LRRC4C: variants seen among roughly 807,000 people sequenced by gnomAD.
LRRC4C encodes leucine rich repeat containing 4C.
Under a neutral mutation model 33.6 loss-of-function variants are expected in LRRC4C, and 5 were observed. The observed-to-expected ratio is 0.15, with a 90% CI of 0.08 to 0.31. LRRC4C has a LOEUF of 0.31. Ranked by LOEUF, LRRC4C falls within the 10% of genes least tolerant of loss-of-function variation. The pLI is 1.00. For missense variants in LRRC4C, 560 were observed against 796.7 expected (o/e 0.70, Z 3.58); for synonymous variants, 329 against 302.0 (o/e 1.09, Z -0.93).
chr11:40,725,405 G>A (rs1947240652), intron 2 of LRRC4C, among the ~76,000 whole-genome samples: 1 of 152,064 alleles, frequency 6.6e-6, no homozygotes. Context: ...CTACTAGGGA[G>A]GCTGAGGCAG....
chr11:41,398,470 T>G (rs1262200590), intron 1 of LRRC4C, among the ~76,000 whole-genome samples: 1 of 151,980 alleles, frequency 6.6e-6, no homozygotes, highest in Non-Finnish European at 1.5e-5. Flanking sequence ...TGGAAATCCC[T>G]GAATGCACTG....
At chr11:40,212,342 A>G (rs967671504) in intron 5 of LRRC4C, among the ~76,000 whole-genome samples, 6 of 152,140 alleles carry the variant, frequency 3.9e-5, no homozygotes, top group African/African-American at 1.4e-4. Flanking sequence ...AAACAAACTC[A>G]ATGCTTGTTG....
At chr11:41,342,696 C>T (rs1174210575) in intron 1 of LRRC4C, among the ~76,000 whole-genome samples, 1 of 152,126 alleles carries the variant, frequency 6.6e-6, no homozygotes, top group Non-Finnish European at 1.5e-5. Flanking sequence ...GCCTGGGCAA[C>T]AGAGCGAGAC....
chr11:41,175,074 C>T (rs1945140011), intron 1 of LRRC4C, among the ~76,000 whole-genome samples: 2 of 151,990 alleles, frequency 1.3e-5, no homozygotes, highest in African/African-American at 4.8e-5. Flanking sequence ...TGAATCTGCA[C>T]ATTTTTTCTT....
chr11:41,247,351 T>G (rs1364202224), intron 1 of LRRC4C, among the ~76,000 whole-genome samples: 1 of 152,236 alleles, frequency 6.6e-6, no homozygotes, highest in Non-Finnish European at 1.5e-5. Flanking sequence ...GTTTTCAAAA[T>G]TAGAGTAATT....
chr11:40,252,342 A>C (rs1039416059), intron 4 of LRRC4C, among the ~76,000 whole-genome samples: 1 of 151,990 alleles, frequency 6.6e-6, no homozygotes, highest in Non-Finnish European at 1.5e-5. Flanking sequence ...ATGTATATAC[A>C]TATACACATA....
chr11:41,354,605 A>C (rs1425844117), intron 1 of LRRC4C, among the ~76,000 whole-genome samples: 1 of 152,106 alleles, frequency 6.6e-6, no homozygotes, highest in Non-Finnish European at 1.5e-5. Context: ...AGCTGGAGGA[A>C]TCACACTACC....
At position 40,412,811 on chromosome 11, in the gene LRRC4C, C is replaced by A. The variant is rs183874579; in HGVS notation, c.-269-93090G>T. On this transcript the variant is annotated intron_variant, in intron 3 of 6. Transcript: ENST00000528697. Reference sequence around the variant, plus strand: ...GCAACACTAGGACTGTTTTCTTACTCTAACATGGCAATAATAGCAATGTTT... The same window carrying A: ...GCAACACTAGGACTGTTTTCTTACTATAACATGGCAATAATAGCAATGTTT... Among the ~76,000 whole-genome samples, 567 of 152,162 alleles carry A rather than the reference C, an allele frequency of 3.7e-3. 5 individuals carry two copies. The highest frequency in any genetic ancestry group is 6.3e-3 in the Non-Finnish European group (431 of 67,980).
chr11:41,273,343 C>A (rs1299038593), intron 1 of LRRC4C, among the ~76,000 whole-genome samples: 1 of 152,026 alleles, frequency 6.6e-6, no homozygotes, highest in East Asian at 1.9e-4. Flanking sequence ...TGAAAGCAAC[C>A]TAAATGACTC....
intron 3 of LRRC4C, among the ~76,000 whole-genome samples, chr11:40,468,987 A>C (rs950247191): frequency 6.6e-6 from 1 of 152,250 alleles, no homozygotes; most frequent in Non-Finnish European, 1.5e-5. Flanking sequence ...AAAATCTGCA[A>C]AATAAAAATA....
intron 3 of LRRC4C, among the ~76,000 whole-genome samples, chr11:40,396,236 A>AT (rs888039081): frequency 1.2e-4 from 18 of 150,910 alleles, no homozygotes; most frequent in African/African-American, 2.4e-4. Context: ...GTTTTTTATT[A>AT]TTTTTTTTTC....
intron 1 of LRRC4C, among the ~76,000 whole-genome samples, chr11:40,978,282 T>C (rs1852231069): frequency 6.6e-6 from 1 of 152,216 alleles, no homozygotes. Flanking sequence ...GAGTTTCCAC[T>C]GTCCAGAAAA....
At chr11:40,372,653 C>T (rs768478026) in intron 3 of LRRC4C, among the ~76,000 whole-genome samples, 1 of 152,092 alleles carries the variant, frequency 6.6e-6, no homozygotes, top group Non-Finnish European at 1.5e-5. Flanking sequence ...TCATCCTGGA[C>T]GTTCTACATG....
rs56155922 is a variant in LRRC4C, at chr11:40,276,674, AGTGTGTGTGT to A, written c.-175-35086_-175-35077del. Among the ~76,000 whole-genome samples, 190 of 127,638 alleles carry A rather than the reference AGTGTGTGTGT, an allele frequency of 1.5e-3. 1 individual carries two copies. The highest frequency in any genetic ancestry group is 4.7e-3 in the East Asian group (19 of 4,066). 83.7% of individuals were successfully genotyped at this position (127,638 alleles called of 152,430 possible). A position where few individuals can be genotyped will look rare whatever the true frequency, so the allele number is the denominator to read the frequency against. On this transcript the variant is annotated intron_variant, in intron 4 of 6. Transcript: ENST00000528697. ...CCCGGAGATAAATTGGTGGGAAACA[AGTGTGTGTGT>A]GTGTGTGTGTGTGTGTGTGTGTGTG...
intron 5 of LRRC4C, among the ~76,000 whole-genome samples, chr11:40,191,429 T>C (rs766635712): frequency 1.6e-4 from 24 of 152,202 alleles, no homozygotes; most frequent in Admixed American, 4.6e-4. Context: ...CTCAGTGTTT[T>C]TGTTTTAAAG....
At chr11:40,794,178 C>T (rs1950733264) in intron 2 of LRRC4C, among the ~76,000 whole-genome samples, 1 of 151,978 alleles carries the variant, frequency 6.6e-6, no homozygotes, top group Non-Finnish European at 1.5e-5. Context: ...AAGCAGTCCC[C>T]CGTAAATAGC....
rs141157231 is a variant in LRRC4C, at chr11:40,390,335, A to G, written c.-269-70614T>C. Among the ~76,000 whole-genome samples the G allele has an allele frequency of 4.6e-5, 7 of 152,336 alleles. No individual in the cohort carries two copies. The East Asian group carries it at 1.3e-3, about 29-fold the overall frequency. ...CTCGAGTGTTAAACTGAATTAACTG[A>G]ATCCAAAATAGACTTCTGATCTGTT... On this transcript the variant is annotated intron_variant, in intron 3 of 6. Coordinates refer to ENST00000528697, the MANE Select transcript of LRRC4C (RefSeq NM_001258419.2).
intron 4 of LRRC4C, among the ~76,000 whole-genome samples, chr11:40,301,112 A>G (rs1054911947): frequency 6.6e-6 from 1 of 152,214 alleles, no homozygotes; most frequent in African/African-American, 2.4e-5. Context: ...GAGCATGTTG[A>G]CAGACAATTC....
intron 4 of LRRC4C, among the ~76,000 whole-genome samples, chr11:40,255,588 G>C (rs1281331170): frequency 6.6e-6 from 1 of 152,156 alleles, no homozygotes; most frequent in Non-Finnish European, 1.5e-5. Context: ...TTGATGCAAA[G>C]GGGGAGAAAT....
Sources: gnomAD v4.1 joint callset for allele counts (sites outside exome capture counted in the v4.1 genomes callset) on GRCh38, gnomAD v4.1.1 for gene constraint, MANE v1.5 for transcripts, NCBI Gene and HGNC (gene_info 2026-07-23, HGNC 2026-07-21) for gene names.